XCR1: variants seen among roughly 807,000 people sequenced by gnomAD.
XCR1 encodes the protein chemokine XC receptor 1.
For synonymous variants in XCR1, 187 were observed against 188.5 expected, an observed-to-expected ratio of 0.99 and a Z score of 0.06; for missense variants, 356 against 424.2, an observed-to-expected ratio of 0.84 and a Z score of 1.41.
In XCR1 at chr3:46,020,581, C is replaced by A; in HGVS notation, c.*365G>T. On this transcript the variant is annotated 3_prime_UTR_variant, in exon 2 of 2. Coordinates refer to ENST00000309285, the MANE Select transcript of XCR1 (RefSeq NM_001024644.2). ...AGCATCGTGCAGTTATCACAATGAG[C>A]TTTAGGCCCTGTAAAGTCTCCAAGG... The A allele has an allele frequency of 3.9e-6, 1 of 259,622 alleles. No individual in the cohort carries two copies. Among genetic ancestry groups the A allele is most frequent in the Non-Finnish European group, 7.4e-6 (1 of 134,596 alleles). The allele number at this position is 259,622 out of a possible 1,614,324, so 16.1% of individuals were successfully genotyped here.
chr3:46,046,007 T>C (rs574500924), intron 5 of XCR1, among the ~76,000 whole-genome samples: 5 of 152,324 alleles, frequency 3.3e-5, no homozygotes, highest in African/African-American at 1.2e-4. Flanking sequence ...AAATGTAGTA[T>C]ATAAGCACAA....
At chr3:46,056,211 C>A (rs886719073) in intron 4 of XCR1, among the ~76,000 whole-genome samples, 6 of 151,862 alleles carry the variant, frequency 4.0e-5, no homozygotes, top group Non-Finnish European at 7.4e-5. Flanking sequence ...CGTTTTTTTT[C>A]TTTTTATTTT....
At chr3:46,024,271 G>A (rs35930050) in intron 1 of XCR1, 45,066 of 298,416 alleles carry the variant, frequency 0.15, 5,811 homozygotes, top group African/African-American at 0.39. Context: ...TCCTGGTCCC[G>A]GAAATGTTTC....
At chr3:46,031,212 G>A (rs2102055), upstream of XCR1, among the ~76,000 whole-genome samples, 30,494 of 152,182 alleles carry the variant, frequency 0.2, 4,474 homozygotes, top group African/African-American at 0.4. Flanking sequence ...CAGGAGCCCC[G>A]CCCTCCAAGG....
chr3:46,080,744 G>A (rs1226758778), intron 1 of XCR1, among the ~76,000 whole-genome samples: 2 of 152,144 alleles, frequency 1.3e-5, no homozygotes, highest in Non-Finnish European at 2.9e-5. Flanking sequence ...CTTTCCCTTA[G>A]GGCTTCAATT....
Position 46,053,214 on chromosome 3 carries a change from C to T in XCR1, c.-32+706G>A, listed in dbSNP as rs540705887. Reference sequence around the variant, plus strand: ...AATCCTAAAGTGAATGGGCTCTGTACGCCATTATTTACCACACTCGCTTTT... The same window carrying T: ...AATCCTAAAGTGAATGGGCTCTGTATGCCATTATTTACCACACTCGCTTTT... On this transcript the variant is annotated intron_variant, in intron 5 of 5. Coordinates refer to the XCR1 transcript ENST00000683768. Among the ~76,000 whole-genome samples the T allele has an allele frequency of 6.5e-3, 983 of 152,160 alleles. 7 individuals are homozygous for T. The highest frequency in any genetic ancestry group is 0.023 in the African/African-American group (935 of 41,444).
At chr3:46,065,108 A>T (rs530888780) in intron 4 of XCR1, among the ~76,000 whole-genome samples, 15 of 151,510 alleles carry the variant, frequency 9.9e-5, no homozygotes, top group South Asian at 8.4e-4. Context: ...ATAAAGAAAT[A>T]AAAAAAAAGG....
At chr3:46,024,503 TA>T (rs2125893940) in intron 1 of XCR1, among the ~76,000 whole-genome samples, 1 of 152,314 alleles carries the variant, frequency 6.6e-6, no homozygotes, top group South Asian at 2.1e-4. Flanking sequence ...TTAAAATGTA[TA>T]AAATATGTTA....
rs897160315 is a variant in XCR1, at chr3:46,053,828, C to A, written c.-32+92G>T. Among the ~76,000 whole-genome samples, 23 of 151,984 alleles carry A rather than the reference C, an allele frequency of 1.5e-4. No homozygotes were observed. In the East Asian group the frequency reaches 2.1e-3, roughly 14 times the overall value. Reference sequence around the variant, plus strand: ...CACATAATGTTTTTCTTCAACAGACCAATTCTGCCCCATGTTACCCTGATT... The same window carrying A: ...CACATAATGTTTTTCTTCAACAGACAAATTCTGCCCCATGTTACCCTGATT... On this transcript the variant is annotated intron_variant, in intron 5 of 5. Coordinates refer to the XCR1 transcript ENST00000683768.
chr3:46,045,248 G>A (rs1035235058), intron 5 of XCR1, among the ~76,000 whole-genome samples: 2 of 152,018 alleles, frequency 1.3e-5, no homozygotes, highest in South Asian at 2.1e-4. Context: ...GTGAAACCTC[G>A]TCTCTACCAA....
At chr3:46,049,144 A>G (rs1423605148) in intron 5 of XCR1, among the ~76,000 whole-genome samples, 2 of 152,170 alleles carry the variant, frequency 1.3e-5, no homozygotes, top group Non-Finnish European at 1.5e-5. Context: ...TCACATGAAC[A>G]TAGCTTACCA....
At chr3:46,065,337 T>A (rs1698048184) in intron 4 of XCR1, among the ~76,000 whole-genome samples, 1 of 152,180 alleles carries the variant, frequency 6.6e-6, no homozygotes, top group African/African-American at 2.4e-5. Context: ...TAGGGACTGT[T>A]ACCTGCAGGA....
intron 1 of XCR1, among the ~76,000 whole-genome samples, chr3:46,080,203 A>G (rs1253356955): frequency 3.3e-5 from 5 of 152,014 alleles, no homozygotes; most frequent in Non-Finnish European, 5.9e-5. Context: ...AAAAAGAAAA[A>G]AAAAGCCAAC....
upstream of XCR1, among the ~76,000 whole-genome samples, chr3:46,030,454 C>T (rs755849025): frequency 6.6e-6 from 1 of 152,194 alleles, no homozygotes; most frequent in South Asian, 2.1e-4. Flanking sequence ...TTTATTCCTT[C>T]ACCTATTGAA....
At chr3:46,049,974 A>G (rs900304368) in intron 5 of XCR1, among the ~76,000 whole-genome samples, 1 of 152,224 alleles carries the variant, frequency 6.6e-6, no homozygotes, top group African/African-American at 2.4e-5. Flanking sequence ...AGCATTCTTG[A>G]CCTATGCCTG....
At chr3:46,044,776 A>C (rs1379393903) in intron 5 of XCR1, among the ~76,000 whole-genome samples, 1 of 152,356 alleles carries the variant, frequency 6.6e-6, no homozygotes, top group East Asian at 1.9e-4. Context: ...TCCTTGAAAA[A>C]TACAAACTAC....
chr3:46,072,432 A>T (rs1331505962), intron 3 of XCR1, among the ~76,000 whole-genome samples: 1 of 152,212 alleles, frequency 6.6e-6, no homozygotes, highest in African/African-American at 2.4e-5. Context: ...AGGTGGGAAG[A>T]TTGCTTGAGT....
intron 1 of XCR1, among the ~76,000 whole-genome samples, chr3:46,081,135 A>G (rs1481393973): frequency 6.6e-6 from 1 of 152,232 alleles, no homozygotes; most frequent in East Asian, 1.9e-4. Flanking sequence ...AGAACGGCCA[A>G]GAAACACATT....
At chr3:46,066,451 G>A (rs564321847) in intron 4 of XCR1, among the ~76,000 whole-genome samples, 1 of 152,256 alleles carries the variant, frequency 6.6e-6, no homozygotes, top group South Asian at 2.1e-4. Context: ...CACCATGTTG[G>A]CCAGGATGGT....
Sources: allele counts gnomAD v4.1 joint callset (sites outside exome capture counted in the v4.1 genomes callset), GRCh38; gene constraint gnomAD v4.1.1; transcripts MANE v1.5; gene names NCBI Gene and HGNC (gene_info 2026-07-23, HGNC 2026-07-21).